The following CRPPA variants were observed in gnomAD, a reference collection of about 807,000 sequenced individuals.
CRPPA encodes D-ribitol-5-phosphate cytidylyltransferase.
A neutral mutation model predicts 52.0 loss-of-function variants in CRPPA; 43 were observed. The ratio of observed to expected loss-of-function variants is 0.83; its 90% CI spans 0.65 to 1.07. The LOEUF is 1.07. CRPPA is among the 50% of genes least tolerant of loss of function. The pLI, the probability that CRPPA is intolerant of heterozygous loss-of-function variation, is 0.00. For missense variants in CRPPA, 629 were observed against 551.7 expected, an observed-to-expected ratio of 1.14 and a Z score of -1.40; for synonymous variants, 250 against 203.5, an observed-to-expected ratio of 1.23 and a Z score of -1.94.
chr7:16,388,309 A>C (rs1023978638), intron 2 of CRPPA, among the ~76,000 whole-genome samples: 2 of 152,216 alleles, frequency 1.3e-5, no homozygotes, highest in African/African-American at 4.8e-5. Context: ...TACTAAAAAA[A>C]AAAATGAGCC....
At chr7:16,415,879 C>A (rs560749167) in intron 1 of CRPPA, among the ~76,000 whole-genome samples, 5 of 151,674 alleles carry the variant, frequency 3.3e-5, no homozygotes, top group Non-Finnish European at 7.4e-5. Flanking sequence ...CCTTACATTT[C>A]CCTATCCCAA....
At chr7:16,397,699 A>G (rs1205998517) in intron 2 of CRPPA, among the ~76,000 whole-genome samples, 1 of 152,186 alleles carries the variant, frequency 6.6e-6, no homozygotes, top group East Asian at 1.9e-4. Context: ...GACACGTGAT[A>G]CATGATTGAC....
intron 5 of CRPPA, among the ~76,000 whole-genome samples, chr7:16,285,760 C>G (rs1784412764): frequency 6.6e-6 from 1 of 151,432 alleles, no homozygotes; most frequent in Admixed American, 6.6e-5. Flanking sequence ...CGGTAGCTCA[C>G]GACTGTAATC....
chr7:16,187,706 A>G (rs1229536822), intron 9 of CRPPA, among the ~76,000 whole-genome samples: 1 of 152,202 alleles, frequency 6.6e-6, no homozygotes, highest in East Asian at 1.9e-4. Flanking sequence ...TTGTAGATCC[A>G]AACTCAAATT....
At chr7:16,305,954 G>C (rs1349400510) in intron 4 of CRPPA, among the ~76,000 whole-genome samples, 1 of 152,094 alleles carries the variant, frequency 6.6e-6, no homozygotes, top group East Asian at 1.9e-4. Context: ...ATACAAGTAG[G>C]ACCCTCTGAA....
At position 16,090,304 on chromosome 7, in the gene CRPPA, A is replaced by G. The variant is rs563333131; in HGVS notation, c.*1391T>C. ...GAAAATCACCCAACATGTTAAATAAAAATTCCACAAGGTAGATATTGTATA... is the reference window on the plus strand; with the variant it reads ...GAAAATCACCCAACATGTTAAATAAGAATTCCACAAGGTAGATATTGTATA... On this transcript the variant is annotated 3_prime_UTR_variant, in exon 10 of 10. Transcript: ENST00000407010. 5.8e-4 allele frequency: 88 copies of G among 152,282 alleles called. No homozygotes were observed. Among genetic ancestry groups the G allele is most frequent in the African/African-American group, 1.9e-3 (80 of 41,550 alleles). The allele number at this position is 152,282 out of a possible 1,614,324, so 9.4% of individuals were successfully genotyped here.
intron 2 of CRPPA, among the ~76,000 whole-genome samples, chr7:16,392,592 T>C (rs901192630): frequency 6.6e-6 from 1 of 152,154 alleles, no homozygotes; most frequent in Non-Finnish European, 1.5e-5. Flanking sequence ...CGGAGACCAG[T>C]TATTAAATGC....
chr7:16,248,245 G>A (rs1783334603), intron 8 of CRPPA, among the ~76,000 whole-genome samples: 1 of 152,112 alleles, frequency 6.6e-6, no homozygotes, highest in East Asian at 1.9e-4. Context: ...TGGCTGAGCT[G>A]GAGGGATCAC....
chr7:16,233,601 G>T (rs1484827172), intron 8 of CRPPA, among the ~76,000 whole-genome samples: 1 of 152,148 alleles, frequency 6.6e-6, no homozygotes, highest in Non-Finnish European at 1.5e-5. Context: ...TTCAATGCAT[G>T]TCTGCACACA....
intron 9 of CRPPA, among the ~76,000 whole-genome samples, chr7:16,212,341 G>A (rs1216477971): frequency 6.6e-6 from 1 of 152,172 alleles, no homozygotes; most frequent in Admixed American, 6.5e-5. Flanking sequence ...TGAAATGACA[G>A]TTTAGTGGGG....
At chr7:16,377,631 A>G (rs1786929506) in intron 2 of CRPPA, among the ~76,000 whole-genome samples, 1 of 152,226 alleles carries the variant, frequency 6.6e-6, no homozygotes, top group African/African-American at 2.4e-5. Context: ...TTTATTCCAG[A>G]AAATCTACTA....
chr7:16,182,693 T>C (rs551972029), intron 9 of CRPPA, among the ~76,000 whole-genome samples: 17 of 152,292 alleles, frequency 1.1e-4, no homozygotes, highest in African/African-American at 4.1e-4. Context: ...CAGCCCTGAT[T>C]CCCCAATTCT....
intron 3 of CRPPA, among the ~76,000 whole-genome samples, chr7:16,359,665 C>T (rs963054882): frequency 2.0e-5 from 3 of 152,150 alleles, no homozygotes; most frequent in Non-Finnish European, 2.9e-5. Flanking sequence ...GGGAGCCTCC[C>T]TTGCCAAAGT....
intron 6 of CRPPA, 84 bp downstream of exon 6, chr7:16,278,045 G>T: frequency 1.4e-6 from 1 of 724,036 alleles, no homozygotes; most frequent in Non-Finnish European, 2.4e-6. Flanking sequence ...GGATTTTTAT[G>T]GGTTTTTTTC....
intron 9 of CRPPA, among the ~76,000 whole-genome samples, chr7:16,129,135 C>T (rs917937741): frequency 6.6e-6 from 1 of 152,136 alleles, no homozygotes; most frequent in Non-Finnish European, 1.5e-5. Flanking sequence ...TGCCACATCA[C>T]ACATCATGCT....
At chr7:16,290,765 C>T (rs1035267150) in intron 5 of CRPPA, among the ~76,000 whole-genome samples, 3 of 151,720 alleles carry the variant, frequency 2.0e-5, no homozygotes, top group Non-Finnish European at 4.4e-5. Context: ...TCCAAAAGCA[C>T]GAACAAGAAC....
chr7:16,364,388 A>G (rs770302346), intron 3 of CRPPA, among the ~76,000 whole-genome samples: 1 of 152,240 alleles, frequency 6.6e-6, no homozygotes, highest in Non-Finnish European at 1.5e-5. Flanking sequence ...GTAAGTTGGT[A>G]TGTGTATATT....
intron 2 of CRPPA, among the ~76,000 whole-genome samples, chr7:16,398,673 C>A (rs952185183): frequency 3.3e-5 from 5 of 152,050 alleles, no homozygotes; most frequent in African/African-American, 1.2e-4. Flanking sequence ...CTTTGTGACA[C>A]GTGACATGTG....
At chr7:16,115,036 T>A (rs1386776784) in intron 9 of CRPPA, among the ~76,000 whole-genome samples, 1 of 152,068 alleles carries the variant, frequency 6.6e-6, no homozygotes, top group Admixed American at 6.6e-5. Context: ...AAAACTATGT[T>A]AATGTTTCAC....
Sources: gnomAD v4.1 joint callset for allele counts (sites outside exome capture counted in the v4.1 genomes callset) on GRCh38, gnomAD v4.1.1 for gene constraint, MANE v1.5 for transcripts, NCBI Gene and HGNC (gene_info 2026-07-23, HGNC 2026-07-21) for gene names.